Variants in LYST observed in about 807,000 individuals in gnomAD.
LYST encodes lysosomal trafficking regulator.
A neutral mutation model predicts 413.6 loss-of-function variants in LYST; 192 were observed. The observed-to-expected ratio is 0.46, with a 90% CI of 0.41 to 0.52. The LOEUF is 0.52. Ranked by LOEUF, LYST falls within the 20% of genes least tolerant of loss-of-function variation. The pLI is 0.00. For missense variants in LYST, 3,815 were observed against 4,499.9 expected, an observed-to-expected ratio of 0.85 and a Z score of 4.35; for synonymous variants, 1,525 against 1,567.3, an observed-to-expected ratio of 0.97 and a Z score of 0.64.
At chr1:235,694,521 C>T (rs1458529221) in intron 46 of LYST, among the ~76,000 whole-genome samples, 3 of 152,132 alleles carry the variant, frequency 2.0e-5, no homozygotes, top group East Asian at 3.8e-4. Flanking sequence ...TTATTTATTC[C>T]AGTACCTAGC....
chr1:235,680,966 C>T (rs192586640), intron 48 of LYST, among the ~76,000 whole-genome samples: 19 of 152,226 alleles, frequency 1.2e-4, no homozygotes, highest in Non-Finnish European at 2.4e-4. Context: ...TTTATTCATC[C>T]AACAAACATT....
rs12062417 is a variant in LYST at position 235,816,159 on chromosome 1, A to G, written c.193-3098T>C. Among the ~76,000 whole-genome samples the G allele has an allele frequency of 4.2e-3, 466 of 111,796 alleles. 4 individuals are homozygous for G. Among genetic ancestry groups the G allele is most frequent in the African/African-American group, 0.016 (446 of 28,310 alleles). The allele number at this position is 111,796 out of a possible 152,430, so 73.3% of individuals were successfully genotyped here. ...AAAAAAAAAAAAAAAAAAAAAAAAA[A>G]GGCTGGGCATGGTGGCTCACACCTG... On this transcript the variant is annotated intron_variant, in intron 3 of 52. Coordinates refer to ENST00000389793, the MANE Select transcript of LYST (RefSeq NM_000081.4).
upstream of LYST, among the ~76,000 whole-genome samples, chr1:235,871,565 T>C (rs1431981429): frequency 6.6e-6 from 1 of 152,202 alleles, no homozygotes; most frequent in Non-Finnish European, 1.5e-5. Context: ...AATAGTAACA[T>C]AGGAAAATAA....
intron 43 of LYST, among the ~76,000 whole-genome samples, chr1:235,709,989 G>C (rs1229537688): frequency 2.0e-5 from 3 of 152,058 alleles, no homozygotes; most frequent in Non-Finnish European, 4.4e-5. Context: ...TCTCAGAAGT[G>C]TTTATTTAAA....
chr1:235,739,301 G>A (rs1420106818), intron 31 of LYST, among the ~76,000 whole-genome samples: 3 of 152,190 alleles, frequency 2.0e-5, no homozygotes, highest in African/African-American at 4.8e-5. Context: ...CACTGCCAAT[G>A]CTGCACATGC....
chr1:235,816,254 AC>A (rs1376705760), intron 3 of LYST, among the ~76,000 whole-genome samples: 3 of 151,164 alleles, frequency 2.0e-5, no homozygotes, highest in African/African-American at 4.9e-5. Context: ...ATCCTGGCAA[AC>A]ATGGTGAAAC....
At chr1:235,858,209 T>G (rs1679435462) in intron 1 of LYST, among the ~76,000 whole-genome samples, 1 of 152,194 alleles carries the variant, frequency 6.6e-6, no homozygotes, top group Non-Finnish European at 1.5e-5. Context: ...CTAGAAGGAC[T>G]CAGAAAGACT....
chr1:235,768,236 C>T (rs553630832), intron 20 of LYST, among the ~76,000 whole-genome samples: 216 of 152,046 alleles, frequency 1.4e-3, no homozygotes, highest in African/African-American at 4.9e-3. Context: ...TCTGGTCTCC[C>T]GGCTTGAAAT....
chr1:235,745,847 T>C (rs192805011), intron 29 of LYST, among the ~76,000 whole-genome samples: 20 of 152,180 alleles, frequency 1.3e-4, no homozygotes, highest in Admixed American at 4.6e-4. Flanking sequence ...AATATACAAA[T>C]GGAGGACAGA....
At chr1:235,788,139 C>G (rs1325782333) in intron 13 of LYST, among the ~76,000 whole-genome samples, 1 of 151,650 alleles carries the variant, frequency 6.6e-6, no homozygotes, top group African/African-American at 2.4e-5. Flanking sequence ...ATTTTATTTA[C>G]TCATTTATTT....
intron 50 of LYST, among the ~76,000 whole-genome samples, chr1:235,673,888 G>C (rs578078343): frequency 6.6e-6 from 1 of 152,292 alleles, no homozygotes. Context: ...TGGCTGAAAT[G>C]GATTAAATAT....
intron 8 of LYST, among the ~76,000 whole-genome samples, chr1:235,802,692 T>C (rs1489443908): frequency 1.3e-5 from 2 of 152,214 alleles, no homozygotes; most frequent in African/African-American, 4.8e-5. Flanking sequence ...CACTCCATGT[T>C]CTTAACCACT....
At chr1:235,682,026 C>T (rs549020781) in intron 48 of LYST, among the ~76,000 whole-genome samples, 7 of 152,166 alleles carry the variant, frequency 4.6e-5, no homozygotes, top group South Asian at 2.1e-4. Flanking sequence ...AGGGTTATTA[C>T]GAAGATTTAA....
At chr1:235,880,362 G>A (rs542329218) in intron 1 of LYST, among the ~76,000 whole-genome samples, 2 of 152,298 alleles carry the variant, frequency 1.3e-5, no homozygotes, top group South Asian at 4.1e-4. Context: ...GGTAAGAATG[G>A]AGGTTGTAAG....
chr1:235,778,710 CA>C (rs1558231842), intron 16 of LYST, among the ~76,000 whole-genome samples: 1 of 151,290 alleles, frequency 6.6e-6, no homozygotes, highest in Non-Finnish European at 1.5e-5. Flanking sequence ...TGACCCACAG[CA>C]ATCAGACATA....
Position 235,829,969 on chromosome 1 carries a change from T to C in LYST, c.192+257A>G, listed in dbSNP as rs555350987. 7.6e-4 allele frequency: 264 copies of C among 346,312 alleles called. 1 individual carries two copies. The highest frequency in any genetic ancestry group is 4.2e-3 in the Middle Eastern group (5 of 1,194). 21.5% of individuals were successfully genotyped at this position (346,312 alleles called of 1,614,324 possible). On this transcript the variant is annotated intron_variant, in intron 3 of 52. Coordinates refer to ENST00000389793, the MANE Select transcript of LYST (RefSeq NM_000081.4). ...CTAAGAACCATAGTTATCTCACTGA[T>C]ATTACGATAAAAAGCATAGTATATA...
intron 1 of LYST, among the ~76,000 whole-genome samples, chr1:235,855,306 G>T (rs1004528376): frequency 1.3e-5 from 2 of 152,124 alleles, no homozygotes; most frequent in Non-Finnish European, 2.9e-5. Flanking sequence ...AACTTTGATA[G>T]AAAACATTTT....
chr1:235,749,444 G>C (rs1202144132), intron 28 of LYST, among the ~76,000 whole-genome samples: 1 of 152,138 alleles, frequency 6.6e-6, no homozygotes, highest in Non-Finnish European at 1.5e-5. Context: ...CAGAGAGAGA[G>C]AGAGATGGGT....
In LYST at chr1:235,778,623, G is replaced by A. The variant is rs111763883; in HGVS notation, c.5215-1315C>T. On this transcript the variant is annotated intron_variant, in intron 16 of 52. Coordinates refer to ENST00000389793, the MANE Select transcript of LYST (RefSeq NM_000081.4). ...TGGCTGGTCTTGAACTTCTGACCTC[G>A]TGATCTGCCCGCCTCAGCCTCCCAA... is the stretch of plus-strand genomic sequence containing the variant. 8.2e-3 allele frequency among the ~76,000 whole-genome samples: 1,249 copies of A among 151,780 alleles called. 9 individuals are homozygous for A. The highest frequency in any genetic ancestry group is 0.02 in the Middle Eastern group (6 of 294).
Sources: allele counts gnomAD v4.1 joint callset (sites outside exome capture counted in the v4.1 genomes callset), GRCh38; gene constraint gnomAD v4.1.1; transcripts MANE v1.5; gene names NCBI Gene and HGNC (gene_info 2026-07-23, HGNC 2026-07-21).